Variants in BBOF1 observed in about 807,000 individuals in gnomAD.
BBOF1 encodes the protein basal body orientation factor 1, also known as basal body-orientation factor 1.
BBOF1 carries 62 observed loss-of-function variants against 68.0 expected under a neutral mutation model. The observed-to-expected ratio is 0.91, with a 90% CI of 0.74 to 1.13. BBOF1 has a LOEUF of 1.13. BBOF1 is among the 50% of genes most tolerant of loss of function. BBOF1 has a pLI of 0.00. For missense variants in BBOF1, 534 were observed against 600.1 expected, an observed-to-expected ratio of 0.89 and a Z score of 1.15; for synonymous variants, 208 against 198.8, an observed-to-expected ratio of 1.05 and a Z score of -0.39.
intron 2 of BBOF1, among the ~76,000 whole-genome samples, chr14:74,024,447 C>T (rs969052008): frequency 1.3e-5 from 2 of 152,146 alleles, no homozygotes; most frequent in African/African-American, 4.8e-5. Context: ...CAGAGCAAAA[C>T]TCTGTCTCAT....
chr14:74,041,267 C>G (rs2139517765), intron 5 of BBOF1, among the ~76,000 whole-genome samples: 1 of 152,232 alleles, frequency 6.6e-6, no homozygotes, highest in Admixed American at 6.5e-5. Flanking sequence ...TGCACCACTG[C>G]ACTCCATCCT....
At chr14:74,073,239 G>T (rs1449640830) in intron 9 of BBOF1, among the ~76,000 whole-genome samples, 1 of 152,058 alleles carries the variant, frequency 6.6e-6, no homozygotes, top group Non-Finnish European at 1.5e-5. Flanking sequence ...GAGCAGCTGG[G>T]ACTACAGGCA....
chr14:74,049,019 T>A (rs1401211297), intron 7 of BBOF1, among the ~76,000 whole-genome samples: 1 of 152,082 alleles, frequency 6.6e-6, no homozygotes, highest in Admixed American at 6.6e-5. Flanking sequence ...ACTACAGGCA[T>A]GCACCACCAC....
intron 11 of BBOF1, among the ~76,000 whole-genome samples, chr14:74,064,402 G>T (rs540833410): frequency 6.6e-6 from 1 of 152,034 alleles, no homozygotes; most frequent in Non-Finnish European, 1.5e-5. Context: ...GAAAAAATAC[G>T]TGCAATGGGA....
intron 11 of BBOF1, among the ~76,000 whole-genome samples, chr14:74,062,512 A>G (rs529141744): frequency 6.6e-6 from 1 of 152,230 alleles, no homozygotes; most frequent in South Asian, 2.1e-4. Flanking sequence ...TAGATACGAG[A>G]ATTGCTTGAA....
intron 5 of BBOF1, among the ~76,000 whole-genome samples, chr14:74,044,018 G>A (rs1025246762): frequency 7.2e-5 from 11 of 151,926 alleles, no homozygotes; most frequent in East Asian, 1.9e-4. Context: ...GGCCAAGGCC[G>A]GCGGATCACT....
chr14:74,067,406 T>G, downstream of BBOF1: 1 of 1,613,776 alleles, frequency 6.2e-7, no homozygotes, highest in East Asian at 2.2e-5. Context: ...GTTTTTGGCA[T>G]GCTCCACCAG....
chr14:74,071,699 G>A, intron 9 of BBOF1: 2 of 1,484,788 alleles, frequency 1.3e-6, no homozygotes, highest in South Asian at 2.5e-5. Context: ...TATACCCACT[G>A]GAAGATCATT....
intron 3 of BBOF1, among the ~76,000 whole-genome samples, chr14:74,033,506 G>C (rs1306867070): frequency 1.3e-5 from 2 of 152,026 alleles, no homozygotes; most frequent in Non-Finnish European, 2.9e-5. Context: ...GGAGGCAGAG[G>C]TTGCAGTGAG....
At chr14:74,027,432 A>T (rs908564073) in intron 2 of BBOF1, among the ~76,000 whole-genome samples, 4 of 139,798 alleles carry the variant, frequency 2.9e-5, no homozygotes, top group African/African-American at 1.1e-4. Flanking sequence ...GCCAATTAAT[A>T]AATTTCCAAG....
At chr14:74,019,996 C>T (rs1253849782) in intron 1 of BBOF1, among the ~76,000 whole-genome samples, 1 of 152,114 alleles carries the variant, frequency 6.6e-6, no homozygotes, top group Non-Finnish European at 1.5e-5. Context: ...TATGGGAACA[C>T]AGAGTTGGCA....
At chr14:74,066,472 T>A (rs1310880710), downstream of BBOF1, among the ~76,000 whole-genome samples, 2 of 152,164 alleles carry the variant, frequency 1.3e-5, no homozygotes, top group African/African-American at 2.4e-5. Flanking sequence ...CCTGCAAAGC[T>A]GGAAATATCT....
At chr14:74,032,055 T>C (rs1241104627) in intron 3 of BBOF1, 2 of 151,974 alleles carry the variant, frequency 1.3e-5, no homozygotes, top group Non-Finnish European at 2.9e-5. Flanking sequence ...GTAATACCAC[T>C]AGCCATGCAT....
Position 74,064,716 on chromosome 14 carries a change from C to A in BBOF1, c.*17C>A, listed in dbSNP as rs1227826909. The A allele has an allele frequency of 1.8e-5, 29 of 1,613,692 alleles. No individual in the cohort carries two copies. Among genetic ancestry groups the A allele is most frequent in the Non-Finnish European group, 2.5e-5 (29 of 1,179,754 alleles). On this transcript the variant is annotated 3_prime_UTR_variant, in exon 12 of 12. Transcript: ENST00000394009. ...ACCTTCTGAGAAGCACTGATTATGA[C>A]CTCACAGATGCTGCTGGCAGTCCCT... is the stretch of plus-strand genomic sequence containing the variant.
chr14:74,020,755 C>T (rs1020965669), intron 1 of BBOF1, among the ~76,000 whole-genome samples: 3 of 152,260 alleles, frequency 2.0e-5, no homozygotes, highest in Non-Finnish European at 4.4e-5. Flanking sequence ...CCACCCGCCT[C>T]GGCCTCCCAA....
intron 4 of BBOF1, among the ~76,000 whole-genome samples, chr14:74,037,943 G>A (rs1272989858): frequency 6.8e-6 from 1 of 147,940 alleles, no homozygotes; most frequent in Non-Finnish European, 1.5e-5. Context: ...CAACAAGAGC[G>A]AAACTCTGTT....
Position 74,048,092 on chromosome 14 carries a change from C to T in BBOF1, c.792+18C>T. ...ATCAAAAGGTTCCCTCTCATTTAGA[C>T]TTGGTGTCCTTCTTTTCTTTATTTA... On this transcript the variant is annotated intron_variant, in intron 7 of 11. Coordinates refer to ENST00000394009, the MANE Select transcript of BBOF1 (RefSeq NM_025057.3). 1 of 1,594,020 alleles carries T rather than the reference C, an allele frequency of 6.3e-7. No individual in the cohort carries two copies. Among genetic ancestry groups the T allele is most frequent in the Non-Finnish European group, 8.5e-7 (1 of 1,173,688 alleles).
rs768033405 is a variant in BBOF1 at position 74,049,754 on chromosome 14, G to A, written c.845G>A (p.Arg282Lys). The stretch of plus-strand genomic sequence containing the variant: ...AAGATTATGCAACTTGTCCAGCAGA[G>A]ATCACAAATCCAAACCCTTCAGAAG... ...KEKIMQLVQQ[R>K]SQIQTLQKKV... is the part of the protein sequence containing the mutation. The change falls in exon 8 of 12, where the codon AGA becomes AAA. Residue 282 changes from arginine to lysine, a missense_variant. Transcript: ENST00000394009. The A allele has an allele frequency of 2.5e-6, 4 of 1,613,924 alleles. No individual in the cohort carries two copies. Among genetic ancestry groups the A allele is most frequent in the Non-Finnish European group, 3.4e-6 (4 of 1,179,988 alleles).
rs28635676 is a variant in BBOF1 at position 74,035,377 on chromosome 14, C to T, written c.495+1206C>T. 7.1e-3 allele frequency among the ~76,000 whole-genome samples: 1,050 copies of T among 148,162 alleles called. 14 individuals are homozygous for T. The highest frequency in any genetic ancestry group is 0.025 in the African/African-American group (997 of 40,174). The stretch of plus-strand genomic sequence containing the variant: ...CATTCAAGTGGCTGTTAAGTTGGTG[C>T]TGGTGATTAGTGGGAGACCTCTCCT... On this transcript the variant is annotated intron_variant, in intron 4 of 11. Transcript: ENST00000394009.
Sources: gnomAD v4.1 joint callset for allele counts (sites outside exome capture counted in the v4.1 genomes callset) on GRCh38, gnomAD v4.1.1 for gene constraint, MANE v1.5 for transcripts, NCBI Gene and HGNC (gene_info 2026-07-23, HGNC 2026-07-21) for gene names.